TMPRSS4: variants seen among roughly 807,000 people sequenced by gnomAD.
The protein encoded by TMPRSS4 is transmembrane serine protease 4.
TMPRSS4 carries 45 observed loss-of-function variants against 56.4 expected under a neutral mutation model. The observed-to-expected ratio is 0.80, with a 90% CI of 0.63 to 1.02. The LOEUF is 1.02. Ranked by LOEUF, TMPRSS4 falls within the 50% of genes least tolerant of loss-of-function variation. The pLI, the probability that TMPRSS4 is intolerant of heterozygous loss-of-function variation, is 0.00. For missense variants in TMPRSS4, 546 were observed against 556.7 expected (o/e 0.98, Z 0.19); for synonymous variants, 205 against 211.0 (o/e 0.97, Z 0.25).
In TMPRSS4 at chr11:118,103,395, G is replaced by T. The variant is rs932720806; in HGVS notation, c.310+142G>T. ...AAGGTTCTTTGTTTGTTTGTTTGTTGTTGTTTTGAGGCAGAGTGCTCTGTG... is the reference window on the plus strand; with the variant it reads ...AAGGTTCTTTGTTTGTTTGTTTGTTTTTGTTTTGAGGCAGAGTGCTCTGTG... On this transcript the variant is annotated intron_variant, in intron 4 of 12. Coordinates refer to ENST00000437212, the MANE Select transcript of TMPRSS4 (RefSeq NM_019894.4). 236 of 130,304 alleles carry T rather than the reference G, an allele frequency of 1.8e-3. 1 individual carries two copies. Among genetic ancestry groups the T allele is most frequent in the Middle Eastern group, 0.011 (4 of 370 alleles). The allele number at this position is 130,304 out of a possible 1,614,324, so 8.1% of individuals were successfully genotyped here. A position where few individuals can be genotyped will look rare whatever the true frequency, so the allele number is the denominator to read the frequency against.
intron 11 of TMPRSS4, among the ~76,000 whole-genome samples, chr11:118,115,779 C>A (rs559105983): frequency 6.6e-6 from 1 of 152,116 alleles, no homozygotes; most frequent in African/African-American, 2.4e-5. Flanking sequence ...GCTGAGATTG[C>A]GCCACTGCAC....
intron 9 of TMPRSS4, among the ~76,000 whole-genome samples, chr11:118,113,932 C>T (rs1370297476): frequency 1.3e-5 from 2 of 152,188 alleles, no homozygotes; most frequent in African/African-American, 2.4e-5. Context: ...GATCAGGATT[C>T]CCAACTGTGG....
Position 118,103,133 on chromosome 11 carries a change from T to C in TMPRSS4, c.190T>C (p.Cys64Arg). The change falls in exon 4 of 13, where the codon TGC becomes CGC. Residue 64 changes from cysteine (C) to arginine (R), a missense_variant. By Grantham distance (180) the Cys-to-Arg change is radical. Transcript: ENST00000437212. ...KVILDKYYFL[C>R]GQPLHFIPRK... is the part of the protein sequence containing the mutation. ...GATTCTGGATAAATACTACTTCCTC[T>C]GCGGGCAGCCTCTCCACTTCATCCC... 1 of 1,614,210 alleles carries C rather than the reference T, an allele frequency of 6.2e-7. No homozygotes were observed. The highest frequency in any genetic ancestry group is 8.5e-7 in the Non-Finnish European group (1 of 1,180,038).
intron 1 of TMPRSS4, among the ~76,000 whole-genome samples, chr11:118,080,282 A>G (rs1305148275): frequency 6.6e-6 from 1 of 152,218 alleles, no homozygotes; most frequent in Admixed American, 6.5e-5. Context: ...CTCTCCAGGC[A>G]GGGAAAGCAG....
intron 7 of TMPRSS4, among the ~76,000 whole-genome samples, chr11:118,109,799 T>C (rs1368803456): frequency 6.6e-6 from 1 of 152,202 alleles, no homozygotes; most frequent in East Asian, 1.9e-4. Flanking sequence ...TCCTGCAGGA[T>C]GTTGAGAGTT....
At chr11:118,086,631 C>T (rs1159722321) in intron 1 of TMPRSS4, 1 of 152,812 alleles carries the variant, frequency 6.5e-6, no homozygotes, top group Non-Finnish European at 1.5e-5. Flanking sequence ...CATGATCAGT[C>T]ATCTCTGAGG....
Position 118,118,324 on chromosome 11 carries a change from C to T in TMPRSS4, c.*411C>T, listed in dbSNP as rs1438261868. On this transcript the variant is annotated 3_prime_UTR_variant, in exon 13 of 13. Transcript: ENST00000437212. Reference sequence around the variant, plus strand: ...CTGTCCGTCTTCACCCATCCCCAAGCCTACTAGAGCAAGAAACCAGTTGTA... The same window carrying T: ...CTGTCCGTCTTCACCCATCCCCAAGTCTACTAGAGCAAGAAACCAGTTGTA... 1.4e-5 allele frequency: 15 copies of T among 1,060,292 alleles called. No homozygotes were observed. Among genetic ancestry groups the T allele is most frequent in the Non-Finnish European group, 1.6e-5 (14 of 878,858 alleles). The allele number at this position is 1,060,292 out of a possible 1,614,324, so 65.7% of individuals were successfully genotyped here. A position where few individuals can be genotyped will look rare whatever the true frequency, so the allele number is the denominator to read the frequency against.
In TMPRSS4 at chr11:118,115,193, G is replaced by A. The variant is rs1947479980; in HGVS notation, c.1065G>A (p.Arg355=). Residue 355 remains arginine (R), a synonymous_variant, in exon 11 of 13, where the codon CGG becomes CGA. Transcript: ENST00000437212. ...QASVQVIDST[R]CNADDAYQGE... Reference sequence around the variant, plus strand: ...CAGTCCAGGTCATTGACAGCACACGGTGCAATGCAGACGATGCGTACCAGG... The same window carrying A: ...CAGTCCAGGTCATTGACAGCACACGATGCAATGCAGACGATGCGTACCAGG... The A allele has an allele frequency of 8.1e-6, 13 of 1,612,766 alleles. No homozygotes were observed. The highest frequency in any genetic ancestry group is 1.1e-5 in the Non-Finnish European group (13 of 1,179,800).
Position 118,102,879 on chromosome 11 carries a change from G to A in TMPRSS4, c.158-222G>A, listed in dbSNP as rs2276128. The A allele has an allele frequency of 1.3e-4, 72 of 569,486 alleles. 1 individual carries two copies. Among genetic ancestry groups the A allele is most frequent in the Middle Eastern group, 9.3e-4 (2 of 2,158 alleles). 35.3% of individuals were successfully genotyped at this position (569,486 alleles called of 1,614,324 possible). A position where few individuals can be genotyped will look rare whatever the true frequency, so the allele number is the denominator to read the frequency against. On this transcript the variant is annotated intron_variant, in intron 3 of 12. Coordinates refer to ENST00000437212, the MANE Select transcript of TMPRSS4 (RefSeq NM_019894.4). Reference sequence around the variant, plus strand: ...CACACACGTGACCTCTCTTGACTCCGCAGACATCTTGTGGGGGTGGGGCCG... The same window carrying A: ...CACACACGTGACCTCTCTTGACTCCACAGACATCTTGTGGGGGTGGGGCCG...
chr11:118,078,884 C>T (rs1005659239), intron 1 of TMPRSS4, among the ~76,000 whole-genome samples: 5 of 152,142 alleles, frequency 3.3e-5, no homozygotes, highest in African/African-American at 9.7e-5. Flanking sequence ...GCACCGGGTT[C>T]GCAGAGATTA....
intron 3 of TMPRSS4, 172 bp from the exon 4 acceptor site, chr11:118,102,929 C>A (rs974000873): frequency 2.6e-6 from 2 of 782,760 alleles, no homozygotes; most frequent in Middle Eastern, 2.8e-4. Context: ...ACTTTACAGA[C>A]AAGGAAGCTG....
At chr11:118,090,821 A>AACACACACACAC (rs375243175) in intron 1 of TMPRSS4, among the ~76,000 whole-genome samples, 2 of 140,428 alleles carry the variant, frequency 1.4e-5, no homozygotes, top group African/African-American at 5.2e-5. Flanking sequence ...CACACACACA[A>AACACACACACAC]ACACACACAC....
Position 118,119,346 on chromosome 11 carries a change from C to A in TMPRSS4, c.*1433C>A. 1.0e-6 allele frequency: 1 copy of A among 985,360 alleles called. No individual in the cohort carries two copies. Among genetic ancestry groups the A allele is most frequent in the Non-Finnish European group, 1.2e-6 (1 of 829,932 alleles). 61.0% of individuals were successfully genotyped at this position (985,360 alleles called of 1,614,324 possible). ...TAACTGATGGCAGTAAATGTGGTCT[C>A]AAATTGCAGATGGTCTGGAGGAAAA... On this transcript the variant is annotated 3_prime_UTR_variant, in exon 13 of 13. Transcript: ENST00000437212.
At chr11:118,114,327 A>T (rs186067468) in intron 9 of TMPRSS4, among the ~76,000 whole-genome samples, 131 of 152,292 alleles carry the variant, frequency 8.6e-4, no homozygotes, top group African/African-American at 3.0e-3. Flanking sequence ...AGAGTTTATT[A>T]TTTATAATTC....
downstream of TMPRSS4, among the ~76,000 whole-genome samples, chr11:118,123,666 G>A (rs1400379478): frequency 6.6e-6 from 1 of 152,086 alleles, no homozygotes; most frequent in Non-Finnish European, 1.5e-5. Context: ...GGGACTACAG[G>A]CGCCCGCCAC....
chr11:118,119,297 CAGGG>C lies in TMPRSS4; in HGVS notation c.*1385_*1388del. 4 of 985,368 alleles carry C rather than the reference CAGGG, an allele frequency of 4.1e-6. No individual in the cohort carries two copies. The highest frequency in any genetic ancestry group is 4.8e-6 in the Non-Finnish European group (4 of 829,920). 61.0% of individuals were successfully genotyped at this position (985,368 alleles called of 1,614,324 possible). ...CACACTGAAGACAAGGGAGCTGAAC[CAGGG>C]CTCCTACATGAAGCAGGGATAACTG... On this transcript the variant is annotated 3_prime_UTR_variant, in exon 13 of 13. Transcript: ENST00000437212.
At chr11:118,095,086 A>G in intron 2 of TMPRSS4, 1 of 570,860 alleles carries the variant, frequency 1.8e-6, no homozygotes, top group Non-Finnish European at 3.2e-6. Context: ...AAAATCCCCA[A>G]AGCAATGATT....
chr11:118,115,622 C>A (rs1380926249), intron 11 of TMPRSS4: 1 of 218,912 alleles, frequency 4.6e-6, no homozygotes, highest in African/African-American at 2.2e-5. Context: ...GAATTCAAGA[C>A]CAGCCTGGCC....
chr11:118,102,796 A>G (rs4344527), intron 3 of TMPRSS4: 94,307 of 283,450 alleles, frequency 0.33, 16,205 homozygotes, highest in Admixed American at 0.35. Context: ...CTCCTCTTTT[A>G]CCAGTACATA....
Sources: allele counts gnomAD v4.1 joint callset (sites outside exome capture counted in the v4.1 genomes callset), GRCh38; gene constraint gnomAD v4.1.1; transcripts MANE v1.5; gene names NCBI Gene and HGNC (gene_info 2026-07-23, HGNC 2026-07-21).